The following PCDHGB3 variants were observed in gnomAD, a reference collection of about 807,000 sequenced individuals.
The protein encoded by PCDHGB3 is protocadherin gamma-B3.
In PCDHGB3, 40 loss-of-function variants were observed where a neutral mutation model predicts 59.2. The ratio of observed to expected loss-of-function variants is 0.68; its 90% CI spans 0.52 to 0.88. The LOEUF is 0.88. PCDHGB3 is among the 40% of genes least tolerant of loss of function. The probability of loss-of-function intolerance (pLI) is 0.00; values close to 1 mark genes in which losing one functional copy is unlikely to be tolerated. For synonymous variants in PCDHGB3, 581 were observed against 503.6 expected (o/e 1.15, Z -2.06); for missense variants, 1,309 against 1,187.9 (o/e 1.10, Z -1.50).
chr5:141,424,169 A>G (rs542346399), intron 1 of PCDHGB3: 20 of 225,850 alleles, frequency 8.9e-5, no homozygotes, highest in Middle Eastern at 2.3e-3. Context: ...TCATCTATCT[A>G]TCTATACACA....
In PCDHGB3 at chr5:141,372,805, A is replaced by C; in HGVS notation, c.2411A>C (p.Gln804Pro). ...ATGCCTTCTAATTCAGGCAATTTGC[A>C]AAAGGTGAGTTTCTTCAAACCTTTC... ...PEMPSNSGNL[Q>P]KQAPPNTDWR... The change falls in exon 1 of 4, where the codon CAA becomes CCA. Residue 804 changes from glutamine to proline, a missense_variant. Coordinates refer to ENST00000576222, the MANE Select transcript of PCDHGB3 (RefSeq NM_018924.5). 1 of 1,592,964 alleles carries C rather than the reference A, an allele frequency of 6.3e-7. No homozygotes were observed. Among genetic ancestry groups the C allele is most frequent in the Non-Finnish European group, 8.6e-7 (1 of 1,168,858 alleles).
Position 141,431,615 on chromosome 5 carries a change from G to A in PCDHGB3, c.2415+58806G>A. 1.2e-6 allele frequency: 2 copies of A among 1,614,236 alleles called. No homozygotes were observed. Among genetic ancestry groups the A allele is most frequent in the Non-Finnish European group, 1.7e-6 (2 of 1,180,042 alleles). ...GAGGTATTCCTTCCGGTATGTGGACGACAAGGCGGCCCAAGTTTTCAAACT... is the reference window on the plus strand; with the variant it reads ...GAGGTATTCCTTCCGGTATGTGGACAACAAGGCGGCCCAAGTTTTCAAACT... On this transcript the variant is annotated intron_variant, in intron 1 of 3. Coordinates refer to ENST00000576222, the MANE Select transcript of PCDHGB3 (RefSeq NM_018924.5). The surrounding 1 kb of genome is among the most constrained non-coding windows in gnomAD (Gnocchi z 4.8).
At chr5:141,382,683 G>A in intron 1 of PCDHGB3, 1 of 444,266 alleles carries the variant, frequency 2.3e-6, no homozygotes, top group Non-Finnish European at 4.0e-6. Context: ...ACCAACCAGG[G>A]AAAAATGGTG....
chr5:141,409,941 G>T, intron 1 of PCDHGB3: 1 of 1,613,226 alleles, frequency 6.2e-7, no homozygotes, highest in South Asian at 1.1e-5. Flanking sequence ...ATGGTACCTC[G>T]CTCTGCAGAG....
intron 1 of PCDHGB3, chr5:141,395,097 G>C (rs376460647): frequency 1.9e-6 from 3 of 1,614,158 alleles, no homozygotes; most frequent in Non-Finnish European, 2.5e-6. Flanking sequence ...CCTCACCGCC[G>C]ACTCGCGGAA....
chr5:141,464,853 C>A (rs1441161135), intron 1 of PCDHGB3, among the ~76,000 whole-genome samples: 1 of 151,778 alleles, frequency 6.6e-6, no homozygotes, highest in East Asian at 1.9e-4. Flanking sequence ...ATCCTCCTAC[C>A]TTAGCCTCCC....
intron 1 of PCDHGB3, chr5:141,403,542 A>T (rs561106024): frequency 1.2e-6 from 2 of 1,613,990 alleles, no homozygotes; most frequent in East Asian, 4.5e-5. Context: ...CTGGTGCTGG[A>T]GCGCGCCCTG....
In PCDHGB3 at chr5:141,422,867, T is replaced by C. The variant is rs116031289; in HGVS notation, c.2415+50058T>C. On this transcript the variant is annotated intron_variant, in intron 1 of 3. Coordinates refer to ENST00000576222, the MANE Select transcript of PCDHGB3 (RefSeq NM_018924.5). Reference sequence around the variant, plus strand: ...GGGGACCCGCCCCTCAGCAGCAACGTGTCGCTGAGCCTGTTCGTGCTGGAC... The same window carrying C: ...GGGGACCCGCCCCTCAGCAGCAACGCGTCGCTGAGCCTGTTCGTGCTGGAC... 1.5e-3 allele frequency: 2,464 copies of C among 1,614,218 alleles called. 37 individuals are homozygous for C. In the African/African-American group the frequency reaches 0.029, roughly 19 times the overall value.
intron 1 of PCDHGB3, chr5:141,388,548 C>A: frequency 6.2e-7 from 1 of 1,613,842 alleles, no homozygotes; most frequent in Non-Finnish European, 8.5e-7. Flanking sequence ...AGCTCCACCC[C>A]TAAGCAGCAC....
intron 1 of PCDHGB3, chr5:141,392,764 C>T (rs1589161528): frequency 1.4e-6 from 2 of 1,480,722 alleles, no homozygotes; most frequent in South Asian, 2.8e-5. Context: ...CTAAATAAGA[C>T]CCATTTATGC....
intron 1 of PCDHGB3, chr5:141,415,772 T>TTTA (rs1561760673): frequency 5.3e-6 from 7 of 1,332,980 alleles, no homozygotes; most frequent in Non-Finnish European, 6.7e-6. Flanking sequence ...TTTTTTTTTT[T>TTTA]ACTTTCTGGT....
At position 141,477,539 on chromosome 5, in the gene PCDHGB3, C is replaced by G; in HGVS notation, c.2416-17268C>G. 2 of 1,614,172 alleles carry G rather than the reference C, an allele frequency of 1.2e-6. No individual in the cohort carries two copies. The highest frequency in any genetic ancestry group is 1.7e-6 in the Non-Finnish European group (2 of 1,180,030). On this transcript the variant is annotated intron_variant, in intron 1 of 3. Transcript: ENST00000576222. The surrounding 1 kb of genome is among the most constrained non-coding windows in gnomAD (Gnocchi z 4.9). ...TGAAGAAAACAACCTCCCCGGGGCT[C>G]CAATACTAAACCTAAGTGTCTGGGA...
intron 1 of PCDHGB3, among the ~76,000 whole-genome samples, chr5:141,463,205 A>T (rs2099054933): frequency 6.6e-6 from 1 of 152,080 alleles, no homozygotes; most frequent in Non-Finnish European, 1.5e-5. Context: ...AGACTTGGGG[A>T]TCCATATTAA....
Position 141,432,149 on chromosome 5 carries a change from A to G in PCDHGB3, c.2415+59340A>G. The G allele has an allele frequency of 6.2e-7, 1 of 1,613,964 alleles. No individual in the cohort carries two copies. The highest frequency in any genetic ancestry group is 8.5e-7 in the Non-Finnish European group (1 of 1,179,986). On this transcript the variant is annotated intron_variant, in intron 1 of 3. Transcript: ENST00000576222. This position sits in a 1 kb window ranked among gnomAD's most constrained non-coding sequence, Gnocchi z 6.0. Reference sequence around the variant, plus strand: ...CTCCTATTCCGCTTATATCCCAGAGAACAATCCCAGAGGAGTTTCCCTCGT... The same window carrying G: ...CTCCTATTCCGCTTATATCCCAGAGGACAATCCCAGAGGAGTTTCCCTCGT...
chr5:141,490,180 C>T lies in PCDHGB3; in HGVS notation c.2416-4627C>T, dbSNP rs747366205. On this transcript the variant is annotated intron_variant, in intron 1 of 3. Coordinates refer to ENST00000576222, the MANE Select transcript of PCDHGB3 (RefSeq NM_018924.5). This position sits in a 1 kb window ranked among gnomAD's most constrained non-coding sequence, Gnocchi z 5.4. ...GGGTCCCATAGACTTTGAGGAGTCACGTTTCTATGAAATTCATGCAAGAGC... is the reference window on the plus strand; with the variant it reads ...GGGTCCCATAGACTTTGAGGAGTCATGTTTCTATGAAATTCATGCAAGAGC... 3 of 1,614,208 alleles carry T rather than the reference C, an allele frequency of 1.9e-6. No individual in the cohort carries two copies. Among genetic ancestry groups the T allele is most frequent in the East Asian group, 2.2e-5 (1 of 44,882 alleles).
At chr5:141,390,887 T>TGTGA (rs553460991) in intron 1 of PCDHGB3, 1,524 of 151,180 alleles carry the variant, frequency 0.01, 16 homozygotes, top group Non-Finnish European at 0.015. Flanking sequence ...TGTGTGTGTG[T>TGTGA]GAGAGAGATC....
chr5:141,388,477 C>A (rs371333912), intron 1 of PCDHGB3: 34 of 1,613,702 alleles, frequency 2.1e-5, no homozygotes, highest in Non-Finnish European at 2.9e-5. Flanking sequence ...GTATTGAAGA[C>A]ACCTTTGGAC....
intron 1 of PCDHGB3, chr5:141,389,468 C>T (rs772524229): frequency 1.2e-6 from 2 of 1,613,294 alleles, no homozygotes; most frequent in East Asian, 2.2e-5. Context: ...CCTTCGAACT[C>T]ACACTGCAGG....
intron 2 of PCDHGB3, among the ~76,000 whole-genome samples, chr5:141,502,496 C>T (rs934563545): frequency 2.0e-5 from 3 of 152,178 alleles, no homozygotes; most frequent in Admixed American, 6.5e-5. Context: ...ACTCATCTAA[C>T]GTCGGCCTGT....
Sources: allele counts gnomAD v4.1 joint callset (sites outside exome capture counted in the v4.1 genomes callset), GRCh38; gene constraint gnomAD v4.1.1; non-coding constraint Gnocchi (gnomAD v3.1); transcripts MANE v1.5; gene names NCBI Gene and HGNC (gene_info 2026-07-23, HGNC 2026-07-21).